Variants in ASIC2 observed in about 807,000 individuals in gnomAD.
The protein encoded by ASIC2 is acid sensing ion channel subunit 2, also known as acid-sensing ion channel 2.
A neutral mutation model predicts 57.3 loss-of-function variants in ASIC2; 25 were observed. That is an observed-to-expected ratio of 0.44 (90% CI 0.32 to 0.61). The LOEUF (loss-of-function observed/expected upper bound fraction) is 0.61, where lower values mean the gene tolerates loss of function less well. Among genes scored for constraint, ASIC2 ranks in the 20% least tolerant of loss-of-function variants. The probability of loss-of-function intolerance (pLI) is 0.06; values close to 1 mark genes in which losing one functional copy is unlikely to be tolerated. For synonymous variants in ASIC2, 319 were observed against 307.5 expected, an observed-to-expected ratio of 1.04 and a Z score of -0.39; for missense variants, 641 against 738.1, an observed-to-expected ratio of 0.87 and a Z score of 1.52.
chr17:33,753,756 T>C (rs1385175330), intron 1 of ASIC2, among the ~76,000 whole-genome samples: 2 of 152,196 alleles, frequency 1.3e-5, no homozygotes, highest in African/African-American at 2.4e-5. Context: ...GTATGGCTAC[T>C]GGGATTGGCC....
At chr17:33,791,169 G>C (rs1020060955) in intron 1 of ASIC2, among the ~76,000 whole-genome samples, 1 of 152,200 alleles carries the variant, frequency 6.6e-6, no homozygotes, top group African/African-American at 2.4e-5. Flanking sequence ...AAGAAGCCAT[G>C]AGGATTTATG....
rs1160537209 is a variant in ASIC2 at position 33,983,734 on chromosome 17, C to T, written c.555+172244G>A. 2.6e-5 allele frequency among the ~76,000 whole-genome samples: 4 copies of T among 152,300 alleles called. No individual in the cohort carries two copies. In the East Asian group the frequency reaches 7.7e-4, roughly 29 times the overall value. ...CTCAGCCCTCTGTATGTCAGCGGCTCTCAACTGGGGGCAGTTCTATCCTCC... is the reference window on the plus strand; with the variant it reads ...CTCAGCCCTCTGTATGTCAGCGGCTTTCAACTGGGGGCAGTTCTATCCTCC... On this transcript the variant is annotated intron_variant, in intron 1 of 9. Transcript: ENST00000359872.
chr17:33,855,601 C>T (rs1174059112), intron 1 of ASIC2, among the ~76,000 whole-genome samples: 1 of 152,018 alleles, frequency 6.6e-6, no homozygotes. Context: ...GTGTATCCAC[C>T]TAGGGGCTTG....
chr17:33,127,280 C>T (rs1211903349), intron 1 of ASIC2, among the ~76,000 whole-genome samples: 2 of 152,132 alleles, frequency 1.3e-5, no homozygotes, highest in Non-Finnish European at 2.9e-5. Context: ...GGATCTCGAC[C>T]CTGGTCTGTC....
intron 3 of ASIC2, among the ~76,000 whole-genome samples, chr17:33,029,464 CCTTTT>C (rs1450125675): frequency 1.2e-4 from 19 of 152,184 alleles, no homozygotes; most frequent in African/African-American, 4.6e-4. Flanking sequence ...GGAGTTCTTT[CCTTTT>C]AATTACTGAA....
chr17:33,637,503 T>A (rs1383125828), intron 1 of ASIC2, among the ~76,000 whole-genome samples: 1 of 152,162 alleles, frequency 6.6e-6, no homozygotes, highest in East Asian at 1.9e-4. Context: ...AATGGGAAGA[T>A]TTTTTCTCAC....
intron 1 of ASIC2, among the ~76,000 whole-genome samples, chr17:33,911,558 A>G (rs1362434975): frequency 6.6e-6 from 1 of 152,216 alleles, no homozygotes; most frequent in Non-Finnish European, 1.5e-5. Flanking sequence ...ACCTAGGTAT[A>G]CGACCATACC....
chr17:33,286,716 A>T (rs1303761279), intron 1 of ASIC2, among the ~76,000 whole-genome samples: 1 of 152,058 alleles, frequency 6.6e-6, no homozygotes, highest in Non-Finnish European at 1.5e-5. Flanking sequence ...CCTCCAATAA[A>T]CCATCGAAGA....
At chr17:33,015,599 T>C (rs988775097) in intron 9 of ASIC2, among the ~76,000 whole-genome samples, 2 of 152,230 alleles carry the variant, frequency 1.3e-5, no homozygotes, top group African/African-American at 4.8e-5. Flanking sequence ...GGGCCAATGA[T>C]GCTTTGCTTG....
At chr17:33,395,050 A>C (rs1910027705) in intron 1 of ASIC2, among the ~76,000 whole-genome samples, 1 of 139,858 alleles carries the variant, frequency 7.2e-6, no homozygotes, top group African/African-American at 2.7e-5. Flanking sequence ...CCTTCCATCC[A>C]CCTACCCATC....
chr17:33,924,674 G>T (rs66516828), intron 1 of ASIC2, among the ~76,000 whole-genome samples: 4,648 of 152,178 alleles, frequency 0.031, 240 homozygotes, highest in African/African-American at 0.11. Flanking sequence ...GGGAATTTTT[G>T]ATTTAATCCG....
chr17:33,137,123 G>C (rs1395375683), intron 1 of ASIC2, among the ~76,000 whole-genome samples: 3 of 152,200 alleles, frequency 2.0e-5, no homozygotes, highest in Admixed American at 2.0e-4. Context: ...CCTTTCTAAA[G>C]GAAGCTTTGA....
intron 1 of ASIC2, among the ~76,000 whole-genome samples, chr17:33,739,858 A>G (rs1410911097): frequency 6.7e-6 from 1 of 150,344 alleles, no homozygotes; most frequent in Non-Finnish European, 1.5e-5. Context: ...AAAGAGAAAG[A>G]AAAAAAGAAG....
intron 1 of ASIC2, among the ~76,000 whole-genome samples, chr17:33,872,863 G>A (rs1010295654): frequency 2.0e-5 from 3 of 152,088 alleles, no homozygotes; most frequent in African/African-American, 7.2e-5. Context: ...AGGCAGCACT[G>A]GTAACCAATA....
At chr17:33,943,692 T>TAAAAAAAAAAAAAAA (rs3071252) in intron 1 of ASIC2, among the ~76,000 whole-genome samples, 2 of 119,828 alleles carry the variant, frequency 1.7e-5, no homozygotes. Flanking sequence ...ATGATAATAG[T>TAAAAAAAAAAAAAAA]AAAAAAAAAA....
intron 1 of ASIC2, among the ~76,000 whole-genome samples, chr17:34,104,147 T>C (rs9909110): frequency 0.18 from 27,017 of 152,056 alleles, 3,012 homozygotes; most frequent in African/African-American, 0.32. Flanking sequence ...TATTTTGTAG[T>C]TTTCAATATA....
chr17:33,286,648 C>A (rs1049400052), intron 1 of ASIC2, among the ~76,000 whole-genome samples: 1 of 152,198 alleles, frequency 6.6e-6, no homozygotes, highest in Non-Finnish European at 1.5e-5. Context: ...TCCTCTTTCT[C>A]TCCTTTTCTA....
At chr17:34,051,862 G>T (rs62058981) in intron 1 of ASIC2, 2 of 70,386 alleles carry the variant, frequency 2.8e-5, no homozygotes, top group Admixed American at 1.5e-4. Context: ...CACACACAGA[G>T]AGAGAGAGAG....
intron 1 of ASIC2, among the ~76,000 whole-genome samples, chr17:34,018,609 T>C (rs1168936631): frequency 2.6e-5 from 4 of 152,178 alleles, no homozygotes; most frequent in African/African-American, 4.8e-5. Flanking sequence ...CTGTGATTCA[T>C]AGGAAGCAGT....
Sources: allele counts gnomAD v4.1 joint callset (sites outside exome capture counted in the v4.1 genomes callset), GRCh38; gene constraint gnomAD v4.1.1; transcripts MANE v1.5; gene names NCBI Gene and HGNC (gene_info 2026-07-23, HGNC 2026-07-21).